The following TMEM252 variants were observed in gnomAD, a reference collection of about 807,000 sequenced individuals.
TMEM252 encodes the protein transmembrane protein 252.
In TMEM252, 4 loss-of-function variants were observed where a neutral mutation model predicts 6.4. That is an observed-to-expected ratio of 0.62 (90% CI 0.31 to 1.43). The LOEUF (loss-of-function observed/expected upper bound fraction) is 1.43. TMEM252 is among the 40% of genes most tolerant of loss of function. The pLI is 0.07. For missense variants in TMEM252, 207 were observed against 209.4 expected, an observed-to-expected ratio of 0.99 and a Z score of 0.07; for synonymous variants, 85 against 82.5, an observed-to-expected ratio of 1.03 and a Z score of -0.17.
At chr9:68,537,569 C>A in intron 1 of TMEM252, 76 bp from the exon 2 acceptor site, 1 of 1,163,810 alleles carries the variant, frequency 8.6e-7, no homozygotes, top group Non-Finnish European at 1.2e-6. Context: ...CTGCCTCTCT[C>A]AGCTCAAATT....
At chr9:68,538,490 A>G (rs888105296) in intron 1 of TMEM252, among the ~76,000 whole-genome samples, 1 of 147,302 alleles carries the variant, frequency 6.8e-6, no homozygotes, top group Non-Finnish European at 1.5e-5. Context: ...ACATGTGTAA[A>G]GGCATTTTAC....
At chr9:68,538,117 T>C (rs1053916023) in intron 1 of TMEM252, among the ~76,000 whole-genome samples, 39 of 152,238 alleles carry the variant, frequency 2.6e-4, no homozygotes, top group African/African-American at 9.4e-4. Context: ...TGTAGCCCTT[T>C]CTATGCCAGT....
Position 68,537,450 on chromosome 9 carries a change from C to T in TMEM252, c.322G>A (p.Glu108Lys). ...CTCTCTGCAGGACAGCTCTGCTTTTCCACCTCAAGGCTCTCTTCATAAGCT... is the reference window on the plus strand; with the variant it reads ...CTCTCTGCAGGACAGCTCTGCTTTTTCACCTCAAGGCTCTCTTCATAAGCT... ...PPAYEESLEV[E>K]KQSCPAEREA... is the part of the protein sequence containing the mutation. The change falls in exon 2 of 2, where the codon GAA becomes AAA. Residue 108 changes from glutamate (E) to lysine (K), a missense_variant. Transcript: ENST00000377311. 6 of 1,604,326 alleles carry T rather than the reference C, an allele frequency of 3.7e-6. No individual in the cohort carries two copies. The highest frequency in any genetic ancestry group is 5.1e-6 in the Non-Finnish European group (6 of 1,177,438).
In TMEM252 at chr9:68,540,630, T is replaced by C; in HGVS notation, c.185A>G (p.Asn62Ser). The C allele has an allele frequency of 6.2e-7, 1 of 1,614,176 alleles. No homozygotes were observed. Residue 62 changes from asparagine (N) to serine (S), a missense_variant, in exon 1 of 2, where the codon AAC (asparagine) becomes AGC (serine). Transcript: ENST00000377311. The part of the protein sequence containing the change: ...VILLSGIFWS[N>S]YRQVTESKGV... ...TTTGCTTTCAGTCACCTGGCGATAG[T>C]TGCTCCAGAAAATTCCACTCAGAAG...
rs943906081 is a variant in TMEM252, at chr9:68,536,790, TAACAA to T, written c.*464_*468del. The T allele has an allele frequency of 6.4e-6, 1 of 155,442 alleles. No homozygotes were observed. The highest frequency in any genetic ancestry group is 2.4e-5 in the African/African-American group (1 of 41,478). 9.6% of individuals were successfully genotyped at this position (155,442 alleles called of 1,614,324 possible). On this transcript the variant is annotated 3_prime_UTR_variant, in exon 2 of 2. Coordinates refer to ENST00000377311, the MANE Select transcript of TMEM252 (RefSeq NM_153237.2). Reference sequence around the variant, plus strand: ...AGCTGGAGGTAACTAGGAAACAAGCTAACAAAACAAAAGGCTGAACAATCAATAAA... The same window carrying T: ...AGCTGGAGGTAACTAGGAAACAAGCTAACAAAAGGCTGAACAATCAATAAA...
In TMEM252 at chr9:68,540,545, T is replaced by C. The variant is rs778224380; in HGVS notation, c.270A>G (p.Thr90=). The change falls in exon 1 of 2, where the codon ACA becomes ACG. Residue 90 remains threonine (T), a synonymous_variant. Coordinates refer to ENST00000377311, the MANE Select transcript of TMEM252 (RefSeq NM_153237.2). ...HLAHGALPVA[T]VDRPDFYPPA... ...TGCCTGTCAGCACGTACCTGTCTAC[T>C]GTGGCCACGGGCAGGGCCCCATGAG... The C allele has an allele frequency of 6.2e-7, 1 of 1,614,064 alleles. No individual in the cohort carries two copies. The highest frequency in any genetic ancestry group is 1.1e-5 in the South Asian group (1 of 91,070).
chr9:68,538,954 T>C lies in TMEM252; in HGVS notation c.279-1461A>G, dbSNP rs144370981. ...TTTATACAAAAAGAAATCATCACTC[T>C]AGAGGCATCTTCTACAATCACTTCA... On this transcript the variant is annotated intron_variant, in intron 1 of 1. Coordinates refer to ENST00000377311, the MANE Select transcript of TMEM252 (RefSeq NM_153237.2). Among the ~76,000 whole-genome samples the C allele has an allele frequency of 1.5e-3, 230 of 152,360 alleles. 1 individual carries two copies. The highest frequency in any genetic ancestry group is 5.3e-3 in the African/African-American group (220 of 41,592).
At chr9:68,539,109 A>T (rs193032066) in intron 1 of TMEM252, among the ~76,000 whole-genome samples, 125 of 152,318 alleles carry the variant, frequency 8.2e-4, no homozygotes, top group African/African-American at 2.7e-3. Flanking sequence ...CTCATGGGTA[A>T]GATTACTTAT....
chr9:68,540,344 G>A (rs1350774038), intron 1 of TMEM252, among the ~76,000 whole-genome samples, 193 bp downstream of exon 1: 2 of 152,142 alleles, frequency 1.3e-5, no homozygotes, highest in Non-Finnish European at 2.9e-5. Flanking sequence ...CCTGCGTCAT[G>A]GTTTTCCCCA....
chr9:68,537,386 G>A lies in TMEM252; in HGVS notation c.386C>T (p.Thr129Met), dbSNP rs149202359. Reference protein sequence around the residue: ...SGIPPPLYTETGLEFQDGNDS... With the variant: ...SGIPPPLYTEMGLEFQDGNDS... ...ATTTCCATCCTGGAATTCCAGGCCC[G>A]TCTCTGTATATAGAGGTGGAGGAAT... The change falls in exon 2 of 2, where the codon ACG (threonine) becomes ATG (methionine). Residue 129 changes from threonine (T) to methionine (M), a missense_variant. Coordinates refer to ENST00000377311, the MANE Select transcript of TMEM252 (RefSeq NM_153237.2). 126 of 1,608,948 alleles carry A rather than the reference G, an allele frequency of 7.8e-5. No individual in the cohort carries two copies. The highest frequency in any genetic ancestry group is 2.6e-4 in the Admixed American group (15 of 58,554).
Position 68,536,835 on chromosome 9 carries a change from T to C in TMEM252, c.*424A>G, listed in dbSNP as rs1825145413. On this transcript the variant is annotated 3_prime_UTR_variant, in exon 2 of 2. Coordinates refer to ENST00000377311, the MANE Select transcript of TMEM252 (RefSeq NM_153237.2). ...CAATCAATAAATTAAACAACAAACC[T>C]TCGCTTTGAGATTACTAGGTGATAT... 1 of 162,476 alleles carries C rather than the reference T, an allele frequency of 6.2e-6. No individual in the cohort carries two copies. Among genetic ancestry groups the C allele is most frequent in the Non-Finnish European group, 1.3e-5 (1 of 75,330 alleles). 10.1% of individuals were successfully genotyped at this position (162,476 alleles called of 1,614,324 possible).
Position 68,537,212 on chromosome 9 carries a change from G to C in TMEM252, c.*47C>G. 2.6e-6 allele frequency: 4 copies of C among 1,527,978 alleles called. No individual in the cohort carries two copies. Among genetic ancestry groups the C allele is most frequent in the Non-Finnish European group, 3.6e-6 (4 of 1,118,212 alleles). 94.7% of individuals were successfully genotyped at this position (1,527,978 alleles called of 1,614,324 possible). A position where few individuals can be genotyped will look rare whatever the true frequency, so the allele number is the denominator to read the frequency against. On this transcript the variant is annotated 3_prime_UTR_variant, in exon 2 of 2. Transcript: ENST00000377311. ...TCGTTTGCCTTTATTATCAGTAGCT[G>C]CTCCCCACAGTGGTGGCATCATGAG...
In TMEM252 at chr9:68,537,222, G is replaced by A; in HGVS notation, c.*37C>T. 1.9e-6 allele frequency: 3 copies of A among 1,565,118 alleles called. No individual in the cohort carries two copies. Among genetic ancestry groups the A allele is most frequent in the Middle Eastern group, 1.8e-4 (1 of 5,624 alleles). Reference sequence around the variant, plus strand: ...TTATTATCAGTAGCTGCTCCCCACAGTGGTGGCATCATGAGTGCTGGAGAG... The same window carrying A: ...TTATTATCAGTAGCTGCTCCCCACAATGGTGGCATCATGAGTGCTGGAGAG... On this transcript the variant is annotated 3_prime_UTR_variant, in exon 2 of 2. Coordinates refer to ENST00000377311, the MANE Select transcript of TMEM252 (RefSeq NM_153237.2).
intron 1 of TMEM252, 58 bp downstream of exon 1, chr9:68,540,479 T>C: frequency 3.7e-6 from 6 of 1,600,154 alleles, no homozygotes; most frequent in Non-Finnish European, 5.1e-6. Flanking sequence ...ATTACTCAGA[T>C]CTTACACAAC....
At position 68,540,822 on chromosome 9, in the gene TMEM252, C is replaced by A. The variant is rs754569411; in HGVS notation, c.-8G>T. 1.2e-6 allele frequency: 2 copies of A among 1,610,808 alleles called. No individual in the cohort carries two copies. The highest frequency in any genetic ancestry group is 1.7e-5 in the Admixed American group (1 of 59,882). On this transcript the variant is annotated 5_prime_UTR_variant, in exon 1 of 2. Coordinates refer to ENST00000377311, the MANE Select transcript of TMEM252 (RefSeq NM_153237.2). Reference sequence around the variant, plus strand: ...GCCAGTTCTGTTCTGCATCCTTGCACCTTAGGAACCCAGCACCCTGACCCT... The same window carrying A: ...GCCAGTTCTGTTCTGCATCCTTGCAACTTAGGAACCCAGCACCCTGACCCT...
chr9:68,538,796 C>T (rs763512288), intron 1 of TMEM252, among the ~76,000 whole-genome samples: 7 of 152,156 alleles, frequency 4.6e-5, no homozygotes, highest in Non-Finnish European at 1.0e-4. Context: ...GGGGGTGTTA[C>T]GATGTCCATA....
rs536221957 is a variant in TMEM252 at position 68,537,178 on chromosome 9, C to T, written c.*81G>A. ...GGGTCCCTGGTGTGGCTTTTCCTCC[C>T]ACAGTCCCTCGTTTGCCTTTATTAT... On this transcript the variant is annotated 3_prime_UTR_variant, in exon 2 of 2. Transcript: ENST00000377311. The T allele has an allele frequency of 1.1e-5, 14 of 1,284,826 alleles. No individual in the cohort carries two copies. The South Asian group carries it at 1.6e-4, about 15-fold the overall frequency. The allele number at this position is 1,284,826 out of a possible 1,614,324, so 79.6% of individuals were successfully genotyped here. A position where few individuals can be genotyped will look rare whatever the true frequency, so the allele number is the denominator to read the frequency against.
Position 68,540,761 on chromosome 9 carries a change from G to A in TMEM252, c.54C>T (p.Phe18=). The A allele has an allele frequency of 6.2e-7, 1 of 1,614,104 alleles. No homozygotes were observed. The change falls in exon 1 of 2, where the codon TTC becomes TTT. Residue 18 remains phenylalanine, a synonymous_variant. Transcript: ENST00000377311. ...AGAAGGCCCCCAGGCAGACCATCAG[G>A]AAACCCATCAGGAGGGCAAGAGCAC... ...ILCALALLMG[F]LMVCLGAFFI...
intron 1 of TMEM252, 31 bp downstream of exon 1, chr9:68,540,506 C>T: frequency 6.2e-7 from 1 of 1,609,910 alleles, no homozygotes; most frequent in Non-Finnish European, 8.5e-7. Context: ...CATCTCAGCC[C>T]TTCTTGGTCC....
Sources: gnomAD v4.1 joint callset for allele counts (sites outside exome capture counted in the v4.1 genomes callset) on GRCh38, gnomAD v4.1.1 for gene constraint, MANE v1.5 for transcripts, NCBI Gene and HGNC (gene_info 2026-07-23, HGNC 2026-07-21) for gene names.